The following TMEM45A variants were observed in gnomAD, a reference collection of about 807,000 sequenced individuals.
The protein encoded by TMEM45A is transmembrane protein 45A.
Under a neutral mutation model 32.0 loss-of-function variants are expected in TMEM45A, and 25 were observed. That is an observed-to-expected ratio of 0.78 (90% CI 0.57 to 1.09). The LOEUF (loss-of-function observed/expected upper bound fraction) is 1.09, where lower values mean the gene tolerates loss of function less well. TMEM45A is among the 50% of genes least tolerant of loss of function. The probability of loss-of-function intolerance (pLI) is 0.00; values close to 1 mark genes in which losing one functional copy is unlikely to be tolerated. For missense variants in TMEM45A, 302 were observed against 325.0 expected, an observed-to-expected ratio of 0.93 and a Z score of 0.54; for synonymous variants, 122 against 114.8, an observed-to-expected ratio of 1.06 and a Z score of -0.40.
At position 100,540,430 on chromosome 3, in the gene TMEM45A, T is replaced by A. The variant is rs149405960; in HGVS notation, c.-3-14779T>A. Among the ~76,000 whole-genome samples the A allele has an allele frequency of 3.7e-3, 563 of 152,252 alleles. 5 individuals carry two copies. In the Middle Eastern group the frequency reaches 0.048, roughly 13 times the overall value. On this transcript the variant is annotated intron_variant, in intron 1 of 5. Transcript: ENST00000323523. ...GGCATACAGATAGCAAATGAGCATA[T>A]TAAAAGATGCCCATCATCATATGTC...
chr3:100,537,582 C>T (rs1311170485), intron 1 of TMEM45A, among the ~76,000 whole-genome samples: 6 of 152,104 alleles, frequency 3.9e-5, no homozygotes, highest in Admixed American at 1.3e-4. Context: ...CCAGTGTCCT[C>T]CTGAGAATTG....
chr3:100,567,517 G>C (rs76570111), intron 4 of TMEM45A, among the ~76,000 whole-genome samples: 2 of 35,242 alleles, frequency 5.7e-5, no homozygotes, highest in Non-Finnish European at 5.0e-5. Context: ...TACCATTTCT[G>C]CAAAAAAAAA....
Position 100,545,346 on chromosome 3 carries a change from A to G in TMEM45A, c.-3-9863A>G, listed in dbSNP as rs574367098. On this transcript the variant is annotated intron_variant, in intron 1 of 5. Coordinates refer to ENST00000323523, the MANE Select transcript of TMEM45A (RefSeq NM_018004.3). Reference sequence around the variant, plus strand: ...AGGGAATCTAGTTAAATTTTTATCCATGAATAGAAACTCAGTTCTAAAAAC... The same window carrying G: ...AGGGAATCTAGTTAAATTTTTATCCGTGAATAGAAACTCAGTTCTAAAAAC... Among the ~76,000 whole-genome samples the G allele has an allele frequency of 5.9e-5, 9 of 152,320 alleles. No homozygotes were observed. In the South Asian group the frequency reaches 8.3e-4, roughly 14 times the overall value.
At chr3:100,570,420 T>C (rs1706534564) in intron 5 of TMEM45A, among the ~76,000 whole-genome samples, 1 of 152,236 alleles carries the variant, frequency 6.6e-6, no homozygotes, top group Non-Finnish European at 1.5e-5. Context: ...GCTATCTCTG[T>C]TCAGCTGCAG....
chr3:100,501,314 C>T (rs1708004907), intron 1 of TMEM45A, among the ~76,000 whole-genome samples: 1 of 152,208 alleles, frequency 6.6e-6, no homozygotes, highest in Non-Finnish European at 1.5e-5. Context: ...CATGCTTGTC[C>T]TGCCCCTGGA....
chr3:100,562,685 A>G (rs1339273759), intron 4 of TMEM45A, among the ~76,000 whole-genome samples: 1 of 152,212 alleles, frequency 6.6e-6, no homozygotes, highest in Non-Finnish European at 1.5e-5. Flanking sequence ...GCTTTACCAC[A>G]CTAACTATAT....
intron 1 of TMEM45A, among the ~76,000 whole-genome samples, chr3:100,507,510 G>A (rs1708094559): frequency 6.6e-6 from 1 of 152,190 alleles, no homozygotes; most frequent in Non-Finnish European, 1.5e-5. Context: ...GTGGAAATGA[G>A]TTGATCTTTT....
intron 1 of TMEM45A, among the ~76,000 whole-genome samples, chr3:100,499,490 CAT>C (rs1201489121): frequency 6.6e-6 from 1 of 152,200 alleles, no homozygotes; most frequent in Admixed American, 6.5e-5. Flanking sequence ...TAAGCATAGA[CAT>C]AGCCATAGTT....
chr3:100,554,736 T>G (rs768316839), intron 1 of TMEM45A, among the ~76,000 whole-genome samples: 2 of 152,222 alleles, frequency 1.3e-5, no homozygotes, highest in Non-Finnish European at 2.9e-5. Flanking sequence ...TCATATCACT[T>G]TCCTTCAGAT....
At chr3:100,547,961 T>C (rs896844469) in intron 1 of TMEM45A, among the ~76,000 whole-genome samples, 4 of 152,252 alleles carry the variant, frequency 2.6e-5, no homozygotes, top group African/African-American at 9.6e-5. Flanking sequence ...TTTCCAAGTT[T>C]AGGGTTCTTG....
At chr3:100,544,826 C>T (rs541853237) in intron 1 of TMEM45A, among the ~76,000 whole-genome samples, 14 of 152,212 alleles carry the variant, frequency 9.2e-5, no homozygotes, top group Middle Eastern at 3.4e-3. Context: ...GTGTGGACAT[C>T]GTTTTCATTT....
intron 1 of TMEM45A, among the ~76,000 whole-genome samples, chr3:100,507,753 A>G (rs1708098014): frequency 6.6e-6 from 1 of 152,078 alleles, no homozygotes; most frequent in African/African-American, 2.4e-5. Flanking sequence ...ATAACACTAG[A>G]AAGTAGATAG....
intron 1 of TMEM45A, among the ~76,000 whole-genome samples, chr3:100,536,988 C>A (rs745598852): frequency 6.6e-6 from 1 of 152,230 alleles, no homozygotes; most frequent in Non-Finnish European, 1.5e-5. Context: ...ATGGCACGAT[C>A]TCGGCTCACT....
At chr3:100,515,573 T>A (rs1029632317) in intron 1 of TMEM45A, among the ~76,000 whole-genome samples, 2 of 151,328 alleles carry the variant, frequency 1.3e-5, no homozygotes, top group Admixed American at 6.6e-5. Context: ...GCACATGTAT[T>A]CATATGTAAC....
intron 1 of TMEM45A, among the ~76,000 whole-genome samples, chr3:100,551,847 T>C (rs1706110615): frequency 6.6e-6 from 1 of 152,166 alleles, no homozygotes; most frequent in Non-Finnish European, 1.5e-5. Context: ...ATAACTGAAG[T>C]AGGAAGGAGG....
intron 1 of TMEM45A, among the ~76,000 whole-genome samples, chr3:100,542,008 T>C (rs1705891517): frequency 1.3e-5 from 2 of 152,190 alleles, no homozygotes; most frequent in Admixed American, 6.5e-5. Context: ...CATCGGTCTA[T>C]GTGTCTGTTT....
At chr3:100,576,037 G>A (rs894358282) in intron 5 of TMEM45A, among the ~76,000 whole-genome samples, 3 of 152,218 alleles carry the variant, frequency 2.0e-5, no homozygotes, top group Admixed American at 6.5e-5. Context: ...AGTTGGCTGG[G>A]CACGGTGGCT....
intron 2 of TMEM45A, 43 bp downstream of exon 2, chr3:100,555,444 T>G (rs1469567369): frequency 1.3e-6 from 2 of 1,522,670 alleles, no homozygotes; most frequent in African/African-American, 2.8e-5. Flanking sequence ...TTTTAGGTGT[T>G]TTCATTCTTT....
intron 5 of TMEM45A, chr3:100,572,350 G>A (rs1258915551): frequency 6.6e-6 from 1 of 152,154 alleles, no homozygotes; most frequent in Non-Finnish European, 1.5e-5. Context: ...CTGATGGCCA[G>A]TGATGGTGAG....
Sources: allele counts gnomAD v4.1 joint callset (sites outside exome capture counted in the v4.1 genomes callset), GRCh38; gene constraint gnomAD v4.1.1; transcripts MANE v1.5; gene names NCBI Gene and HGNC (gene_info 2026-07-23, HGNC 2026-07-21).